Variants in MEGF8 observed in about 807,000 individuals in gnomAD.
The protein encoded by MEGF8 is multiple epidermal growth factor-like domains protein 8.
A neutral mutation model predicts 302.9 loss-of-function variants in MEGF8; 156 were observed. The observed-to-expected ratio is 0.52, with a 90% CI of 0.45 to 0.59. The LOEUF is 0.59. Ranked by LOEUF, MEGF8 falls within the 20% of genes least tolerant of loss-of-function variation. MEGF8 has a pLI of 0.00. For synonymous variants in MEGF8, 1,621 were observed against 1,660.5 expected (o/e 0.98, Z 0.58); for missense variants, 3,345 against 3,964.5 (o/e 0.84, Z 4.20).
In MEGF8 at chr19:42,369,726, G is replaced by T; in HGVS notation, c.6834+3G>T. The T allele has an allele frequency of 6.3e-7, 1 of 1,598,642 alleles. No homozygotes were observed. On this transcript the variant is annotated splice_donor_region_variant and intron_variant, in intron 38 of 41. Coordinates refer to ENST00000251268, the MANE Select transcript of MEGF8 (RefSeq NM_001271938.2). This position sits in a 1 kb window ranked among gnomAD's most constrained non-coding sequence, Gnocchi z 5.7. ...TGCTCTGCCGCAACCACACCAAGGT[G>T]GGCCGCCCGGAGCCTCAGACCCCCG...
Position 42,376,363 on chromosome 19 carries a change from C to G in MEGF8, c.8126C>G (p.Thr2709Ser). 6.2e-7 allele frequency: 1 copy of G among 1,613,442 alleles called. No individual in the cohort carries two copies. The highest frequency in any genetic ancestry group is 8.5e-7 in the Non-Finnish European group (1 of 1,179,818). ...KVTVCFPPDP[T>S]APASAWKPAG... is the part of the protein sequence containing the mutation. ...ACCGTCTGCTTCCCACCTGACCCTA[C>G]TGCCCCGGCCTCCGCCTGGAAGCCG... The change falls in exon 42 of 42, where the codon ACT becomes AGT. Residue 2709 changes from threonine to serine, a missense_variant. By Grantham distance (58) the Thr-to-Ser change is moderately conservative. Coordinates refer to ENST00000251268, the MANE Select transcript of MEGF8 (RefSeq NM_001271938.2). This position sits in a 1 kb window ranked among gnomAD's most constrained non-coding sequence, Gnocchi z 8.2.
At position 42,349,696 on chromosome 19, in the gene MEGF8, C is replaced by G; in HGVS notation, c.2496C>G (p.Gly832=). The stretch of plus-strand genomic sequence containing the variant: ...GGGATCGGACTGGTGTGCCAGGAGG[C>G]AGCGTGAGTACCCAGGACCTACCTC... ...LLWDRTGVPG[G]SEISFFFLEP... The change falls in exon 14 of 42, where the codon GGC becomes GGG. Residue 832 remains glycine (G), a synonymous_variant. Transcript: ENST00000251268. 6.2e-7 allele frequency: 1 copy of G among 1,611,462 alleles called. No homozygotes were observed. Among genetic ancestry groups the G allele is most frequent in the African/African-American group, 1.3e-5 (1 of 75,018 alleles).
rs1037478585 is a variant in MEGF8, at chr19:42,353,735, T to A, written c.3762-40T>A. 2 of 1,576,382 alleles carry A rather than the reference T, an allele frequency of 1.3e-6. No individual in the cohort carries two copies. The highest frequency in any genetic ancestry group is 1.7e-6 in the Non-Finnish European group (2 of 1,157,024). Reference sequence around the variant, plus strand: ...GTGCTTGGGGACACAGTGGGGAGGGTCAGGACTGGTCTGACACTGGCTCTT... The same window carrying A: ...GTGCTTGGGGACACAGTGGGGAGGGACAGGACTGGTCTGACACTGGCTCTT... On this transcript the variant is annotated intron_variant, in intron 21 of 41. Coordinates refer to ENST00000251268, the MANE Select transcript of MEGF8 (RefSeq NM_001271938.2). The surrounding 1 kb of genome is among the most constrained non-coding windows in gnomAD (Gnocchi z 6.1).
rs201929902 is a variant in MEGF8, at chr19:42,336,166, C to T, written c.1064C>T (p.Pro355Leu). 1.2e-4 allele frequency: 195 copies of T among 1,610,946 alleles called. 2 individuals are homozygous for T. The South Asian group carries it at 1.8e-3, about 15-fold the overall frequency. ...CTATATGTGTCTGGAGGCCGCACCC[C>T]GCACGACCTCTTCTCCTCTGGCCTC... ...VWLYVSGGRT[P>L]HDLFSSGLFR... is the part of the protein sequence containing the mutation. Residue 355 changes from proline to leucine, a missense_variant, in exon 6 of 42, where the codon CCG becomes CTG. Coordinates refer to ENST00000251268, the MANE Select transcript of MEGF8 (RefSeq NM_001271938.2). The surrounding 1 kb of genome is among the most constrained non-coding windows in gnomAD (Gnocchi z 4.8).
At position 42,369,780 on chromosome 19, in the gene MEGF8, T is replaced by C. The variant is rs753510797; in HGVS notation, c.6834+57T>C. The C allele has an allele frequency of 4.0e-6, 6 of 1,516,596 alleles. No homozygotes were observed. Among genetic ancestry groups the C allele is most frequent in the Non-Finnish European group, 5.3e-6 (6 of 1,127,676 alleles). 93.9% of individuals were successfully genotyped at this position (1,516,596 alleles called of 1,614,324 possible). ...CTGGGACCCAGGCCCTCACTTGCCT[T>C]CATCCCACGCTCAGGCGGCTCGCAT... is the stretch of plus-strand genomic sequence containing the variant. On this transcript the variant is annotated intron_variant, in intron 38 of 41. Coordinates refer to ENST00000251268, the MANE Select transcript of MEGF8 (RefSeq NM_001271938.2). The surrounding 1 kb of genome is among the most constrained non-coding windows in gnomAD (Gnocchi z 5.7).
At position 42,351,367 on chromosome 19, in the gene MEGF8, T is replaced by C; in HGVS notation, c.2855+33T>C. ...AGGCTGGGTGCAGGGAGTGGGTGGG[T>C]GGATGTGCCTGGGGATGTGTGCTGG... On this transcript the variant is annotated intron_variant, in intron 16 of 41. Transcript: ENST00000251268. This position sits in a 1 kb window ranked among gnomAD's most constrained non-coding sequence, Gnocchi z 5.6. 6.4e-7 allele frequency: 1 copy of C among 1,567,914 alleles called. No individual in the cohort carries two copies. The highest frequency in any genetic ancestry group is 2.4e-5 in the East Asian group (1 of 42,480).
At position 42,368,448 on chromosome 19, in the gene MEGF8, C is replaced by G. The variant is rs772512683; in HGVS notation, c.6274-7C>G. 8.8e-6 allele frequency: 14 copies of G among 1,597,200 alleles called. No individual in the cohort carries two copies. The highest frequency in any genetic ancestry group is 1.7e-5 in the Admixed American group (1 of 57,674). ...CCCTGCATCCCCATCCCCTCCCCCC[C>G]ATACAGTGTCTGAGCCCTTCCTACC... On this transcript the variant is annotated splice_region_variant and splice_polypyrimidine_tract_variant and intron_variant, in intron 35 of 41. Coordinates refer to ENST00000251268, the MANE Select transcript of MEGF8 (RefSeq NM_001271938.2). The surrounding 1 kb of genome is among the most constrained non-coding windows in gnomAD (Gnocchi z 4.9).
At position 42,336,214 on chromosome 19, in the gene MEGF8, C is replaced by T. The variant is rs1322458603; in HGVS notation, c.1112C>T (p.Thr371Ile). The T allele has an allele frequency of 8.7e-6, 14 of 1,609,934 alleles. No individual in the cohort carries two copies. The highest frequency in any genetic ancestry group is 1.2e-5 in the Non-Finnish European group (14 of 1,179,880). Reference sequence around the variant, plus strand: ...CTCTTCCGTTTCCGCCTTGACAGCACCAGCGGGGGCTATTGGGAGCAGGTG... The same window carrying T: ...CTCTTCCGTTTCCGCCTTGACAGCATCAGCGGGGGCTATTGGGAGCAGGTG... ...SGLFRFRLDSTSGGYWEQVIP... is the reference protein window; with the variant it reads ...SGLFRFRLDSISGGYWEQVIP... The change falls in exon 6 of 42, where the codon ACC becomes ATC. Residue 371 changes from threonine (T) to isoleucine (I), a missense_variant. Transcript: ENST00000251268. This position sits in a 1 kb window ranked among gnomAD's most constrained non-coding sequence, Gnocchi z 4.8.
intron 8 of MEGF8, among the ~76,000 whole-genome samples, chr19:42,337,435 A>G (rs973624240): frequency 6.6e-6 from 1 of 151,676 alleles, no homozygotes; most frequent in African/African-American, 2.4e-5. Flanking sequence ...AGGTTTTGCC[A>G]GTTTCCAGCT....
chr19:42,355,379 T>C (rs1161739724), intron 23 of MEGF8, among the ~76,000 whole-genome samples: 6 of 152,042 alleles, frequency 3.9e-5, no homozygotes, highest in Non-Finnish European at 8.8e-5. Context: ...GTAAGGGCAG[T>C]AGGAGTTGTG....
At chr19:42,331,458 G>A (rs909144896) in intron 1 of MEGF8, among the ~76,000 whole-genome samples, 1 of 152,216 alleles carries the variant, frequency 6.6e-6, no homozygotes, top group Admixed American at 6.5e-5. Flanking sequence ...GGCTTCTCAT[G>A]TGGGATGTGG....
chr19:42,363,827 C>T (rs924163837), intron 35 of MEGF8, among the ~76,000 whole-genome samples: 4 of 152,156 alleles, frequency 2.6e-5, no homozygotes, highest in Admixed American at 6.6e-5. Context: ...CCACATGACC[C>T]GTAATCTCAG....
chr19:42,334,272 C>T lies in MEGF8; in HGVS notation c.558+59C>T, dbSNP rs964281402. The T allele has an allele frequency of 3.5e-5, 51 of 1,448,972 alleles. 1 individual carries two copies. The Middle Eastern group carries it at 2.4e-3, about 69-fold the overall frequency. The allele number at this position is 1,448,972 out of a possible 1,614,324, so 89.8% of individuals were successfully genotyped here. Reference sequence around the variant, plus strand: ...CCCTGATCTGTGAGCGCAGCCTCCACGCCCATCTCCTAGGTCTGACCTTGC... The same window carrying T: ...CCCTGATCTGTGAGCGCAGCCTCCATGCCCATCTCCTAGGTCTGACCTTGC... On this transcript the variant is annotated intron_variant, in intron 3 of 41. Coordinates refer to ENST00000251268, the MANE Select transcript of MEGF8 (RefSeq NM_001271938.2).
At chr19:42,348,606 T>TTG in intron 13 of MEGF8, 134 bp downstream of exon 13, 5 of 883,112 alleles carry the variant, frequency 5.7e-6, no homozygotes, top group South Asian at 1.8e-5. Context: ...GATGGATTTT[T>TTG]TGTGTGTGTG....
chr19:42,328,066 C>T (rs981426145), intron 1 of MEGF8, among the ~76,000 whole-genome samples: 3 of 152,146 alleles, frequency 2.0e-5, no homozygotes, highest in Admixed American at 6.5e-5. Flanking sequence ...CCAGTCTGGG[C>T]GGCAGAGCGA....
intron 1 of MEGF8, among the ~76,000 whole-genome samples, chr19:42,333,099 C>G (rs2039076290): frequency 6.6e-6 from 1 of 152,184 alleles, no homozygotes; most frequent in East Asian, 1.9e-4. Flanking sequence ...AAGGTTAGGC[C>G]TCTGTTCTGG....
At position 42,326,150 on chromosome 19, in the gene MEGF8, G is replaced by C; in HGVS notation, c.-94G>C. 7.1e-7 allele frequency: 1 copy of C among 1,399,910 alleles called. No individual in the cohort carries two copies. The highest frequency in any genetic ancestry group is 1.5e-5 in the African/African-American group (1 of 66,292). 86.7% of individuals were successfully genotyped at this position (1,399,910 alleles called of 1,614,324 possible). ...TCTACAAGGTCATGTTATGCCTATA[G>C]AGGTCGCATTTGCAGGGCCTCACCC... On this transcript the variant is annotated 5_prime_UTR_variant, in exon 1 of 42. An upstream open reading frame in the 5' UTR loses its in-frame stop. Coordinates refer to ENST00000251268, the MANE Select transcript of MEGF8 (RefSeq NM_001271938.2).
chr19:42,360,272 C>T lies in MEGF8; in HGVS notation c.5489-503C>T, dbSNP rs368338081. ...TTCCCTCTTTGTGTTCCTTTGTTGT[C>T]TGCTTGTGTCTCTCTCCCTCTCTTT... On this transcript the variant is annotated intron_variant, in intron 31 of 41. Transcript: ENST00000251268. Among the ~76,000 whole-genome samples, 20 of 150,296 alleles carry T rather than the reference C, an allele frequency of 1.3e-4. 1 individual carries two copies. The highest frequency in any genetic ancestry group is 4.2e-4 in the African/African-American group (17 of 40,870).
At chr19:42,340,756 C>T (rs1435495466) in intron 8 of MEGF8, among the ~76,000 whole-genome samples, 5 of 152,166 alleles carry the variant, frequency 3.3e-5, no homozygotes. Flanking sequence ...CAACCTCCAC[C>T]TCCCGTGTTC....
Sources: allele counts gnomAD v4.1 joint callset (sites outside exome capture counted in the v4.1 genomes callset), GRCh38; gene constraint gnomAD v4.1.1; non-coding constraint Gnocchi (gnomAD v3.1); transcripts MANE v1.5; gene names NCBI Gene and HGNC (gene_info 2026-07-23, HGNC 2026-07-21).